ERC1: variants seen among roughly 807,000 people sequenced by gnomAD.
ERC1 encodes the protein ELKS/RAB6-interacting/CAST family member 1.
ERC1 carries 56 observed loss-of-function variants against 132.0 expected under a neutral mutation model. The ratio of observed to expected loss-of-function variants is 0.42; its 90% CI spans 0.34 to 0.53. The LOEUF is 0.53. Ranked by LOEUF, ERC1 falls within the 20% of genes least tolerant of loss-of-function variation. The probability of loss-of-function intolerance (pLI) is 0.03; values close to 1 mark genes in which losing one functional copy is unlikely to be tolerated. For missense variants in ERC1, 1,202 were observed against 1,349.9 expected, an observed-to-expected ratio of 0.89 and a Z score of 1.72; for synonymous variants, 478 against 476.1, an observed-to-expected ratio of 1.00 and a Z score of -0.05.
intron 8 of ERC1, among the ~76,000 whole-genome samples, chr12:1,178,317 G>A (rs1054357656): frequency 2.6e-5 from 4 of 152,148 alleles, no homozygotes; most frequent in Admixed American, 2.6e-4. Context: ...ATAGTTTATG[G>A]AAGTCCAAAC....
chr12:1,002,809 CT>C (rs1201330718), intron 1 of ERC1, among the ~76,000 whole-genome samples: 1 of 151,942 alleles, frequency 6.6e-6, no homozygotes, highest in African/African-American at 2.4e-5. Context: ...CTTAGGAAAC[CT>C]TTTGTGAAAT....
At chr12:1,104,684 C>T in intron 3 of ERC1, 66 bp from the exon 4 acceptor site, 1 of 1,139,518 alleles carries the variant, frequency 8.8e-7, no homozygotes, top group Non-Finnish European at 1.3e-6. Context: ...TCGGCTCTCA[C>T]TCCTCTTTGA....
chr12:1,471,815 G>A (rs553893832), intron 18 of ERC1, among the ~76,000 whole-genome samples: 1 of 152,316 alleles, frequency 6.6e-6, no homozygotes, highest in African/African-American at 2.4e-5. Context: ...TTCCTCTCAG[G>A]TAGGGGAGAC....
chr12:1,261,657 G>GTTTGT lies in ERC1; in HGVS notation c.2488-1373_2488-1369dup, dbSNP rs778822498. Among the ~76,000 whole-genome samples the GTTTGT allele has an allele frequency of 1.2e-3, 185 of 151,480 alleles. 3 individuals are homozygous for GTTTGT. In the South Asian group the frequency reaches 0.015, roughly 12 times the overall value. On this transcript the variant is annotated intron_variant, in intron 13 of 18. Coordinates refer to ENST00000360905, the MANE Select transcript of ERC1 (RefSeq NM_178040.4). ...GGGAAGGAAGAGCTCAACAAACAAC[G>GTTTGT]TTTGTTTTCTTTTGTTTTGTTTTGT...
intron 18 of ERC1, among the ~76,000 whole-genome samples, chr12:1,478,529 C>T (rs1278551422): frequency 1.3e-5 from 2 of 152,032 alleles, no homozygotes; most frequent in Non-Finnish European, 2.9e-5. Flanking sequence ...CGCGGTGGCT[C>T]ACGCCTGTAA....
rs545953956 is a variant in ERC1 at position 1,420,445 on chromosome 12, TTTTA to T, written c.3024+12210_3024+12213del. On this transcript the variant is annotated intron_variant, in intron 17 of 18. Coordinates refer to ENST00000360905, the MANE Select transcript of ERC1 (RefSeq NM_178040.4). ...CTTTGTGAGGTTAAACTTTTTTTTA[TTTTA>T]TTTATTTATTTGTTTATTTATTTTG... Among the ~76,000 whole-genome samples the T allele has an allele frequency of 4.1e-4, 62 of 150,766 alleles. No individual in the cohort carries two copies. The East Asian group carries it at 0.012, about 30-fold the overall frequency.
At chr12:1,096,600 G>A (rs1162302348) in intron 3 of ERC1, among the ~76,000 whole-genome samples, 2 of 152,208 alleles carry the variant, frequency 1.3e-5, no homozygotes, top group Non-Finnish European at 2.9e-5. Flanking sequence ...AGGCTGACGA[G>A]TTTGTCGTTT....
At chr12:1,232,387 C>T (rs2075110823) in intron 12 of ERC1, among the ~76,000 whole-genome samples, 1 of 152,184 alleles carries the variant, frequency 6.6e-6, no homozygotes, top group Admixed American at 6.5e-5. Context: ...CATTCATTTA[C>T]GTGAGCTAGG....
At chr12:1,457,047 C>T (rs562452699) in intron 18 of ERC1, among the ~76,000 whole-genome samples, 1 of 152,150 alleles carries the variant, frequency 6.6e-6, no homozygotes, top group Non-Finnish European at 1.5e-5. Context: ...TTTTACTGTA[C>T]CTTGTCTATG....
Position 1,083,406 on chromosome 12 carries a change from TC to T in ERC1, c.913del (p.Arg305GlyfsTer42). On this transcript the variant is annotated frameshift_variant, in exon 3 of 19. Coordinates refer to ENST00000360905, the MANE Select transcript of ERC1 (RefSeq NM_178040.4). LOFTEE classifies it high-confidence loss of function. ...AGACTCAAAAGCAGACCCTAAATGC[TC>T]GGGATGAATCCATTAAGAAGCTTCT... is the stretch of plus-strand genomic sequence containing the variant. ...IETQKQTLNA[R>X]DESIKKLLEM... The T allele has an allele frequency of 6.2e-7, 1 of 1,614,106 alleles. No homozygotes were observed. The highest frequency in any genetic ancestry group is 8.5e-7 in the Non-Finnish European group (1 of 1,180,024).
chr12:1,356,245 TG>T (rs2085527518), intron 15 of ERC1, among the ~76,000 whole-genome samples: 2 of 149,714 alleles, frequency 1.3e-5, no homozygotes, highest in South Asian at 4.2e-4. Context: ...TGTGTGTGTG[TG>T]TTTATATATT....
chr12:1,224,591 A>G (rs561689494), intron 12 of ERC1, among the ~76,000 whole-genome samples: 1 of 152,322 alleles, frequency 6.6e-6, no homozygotes, highest in African/African-American at 2.4e-5. Context: ...TTGAGATACA[A>G]CCATATCTCT....
intron 12 of ERC1, among the ~76,000 whole-genome samples, chr12:1,190,707 A>C (rs1008929563): frequency 1.3e-5 from 2 of 152,134 alleles, no homozygotes; most frequent in African/African-American, 4.8e-5. Flanking sequence ...CTAAAGGTCA[A>C]GCATGTGCCT....
At chr12:1,290,532 C>T (rs868270869) in intron 15 of ERC1, among the ~76,000 whole-genome samples, 7 of 152,166 alleles carry the variant, frequency 4.6e-5, no homozygotes, top group Admixed American at 2.6e-4. Context: ...TTTCCTGCTT[C>T]CCCCACATTT....
rs531668449 is a variant in ERC1 at position 1,186,760 on chromosome 12, G to A, written c.2158-3099G>A. Among the ~76,000 whole-genome samples, 4 of 152,360 alleles carry A rather than the reference G, an allele frequency of 2.6e-5. No homozygotes were observed. In the East Asian group the frequency reaches 7.7e-4, roughly 29 times the overall value. ...ACCTTTCATATTGATACCATGATAA[G>A]TGACTATGGACAGAAGAAATGCTTA... On this transcript the variant is annotated intron_variant, in intron 11 of 18. Coordinates refer to ENST00000360905, the MANE Select transcript of ERC1 (RefSeq NM_178040.4).
chr12:1,217,065 G>A (rs890589599), intron 12 of ERC1, among the ~76,000 whole-genome samples: 2 of 152,128 alleles, frequency 1.3e-5, no homozygotes, highest in African/African-American at 2.4e-5. Context: ...AAAGTGCTCC[G>A]TGCTTTCCTC....
intron 16 of ERC1, among the ~76,000 whole-genome samples, chr12:1,382,891 T>A (rs767387623): frequency 1.3e-5 from 2 of 152,180 alleles, no homozygotes; most frequent in Non-Finnish European, 2.9e-5. Flanking sequence ...AAGAAATAGA[T>A]CATATTTTGA....
At chr12:1,287,593 C>T (rs573287206) in intron 14 of ERC1, among the ~76,000 whole-genome samples, 1 of 152,340 alleles carries the variant, frequency 6.6e-6, no homozygotes, top group South Asian at 2.1e-4. Context: ...TTCCCTCTGC[C>T]TGACTGCCTT....
intron 17 of ERC1, chr12:1,430,866 G>A (rs184727492): frequency 1.3e-5 from 2 of 152,458 alleles, no homozygotes; most frequent in Non-Finnish European, 2.9e-5. Flanking sequence ...TTCAGAGCTT[G>A]CTACTTTGTC....
Sources: allele counts gnomAD v4.1 joint callset (sites outside exome capture counted in the v4.1 genomes callset), GRCh38; gene constraint gnomAD v4.1.1; transcripts MANE v1.5; gene names NCBI Gene and HGNC (gene_info 2026-07-23, HGNC 2026-07-21).